EDEM3: variants seen among roughly 807,000 people sequenced by gnomAD.
The protein encoded by EDEM3 is ER degradation-enhancing alpha-mannosidase-like protein 3.
EDEM3 carries 60 observed loss-of-function variants against 110.2 expected under a neutral mutation model. The ratio of observed to expected loss-of-function variants is 0.54; its 90% CI spans 0.44 to 0.67. EDEM3 has a LOEUF of 0.67. EDEM3 is among the 30% of genes least tolerant of loss of function. The pLI is 0.00. For missense variants in EDEM3, 996 were observed against 1,121.0 expected (o/e 0.89, Z 1.59); for synonymous variants, 352 against 382.9 (o/e 0.92, Z 0.94).
chr1:184,702,828 T>G lies in EDEM3; in HGVS notation c.2372A>C (p.Asp791Ala). 3 of 1,601,420 alleles carry G rather than the reference T, an allele frequency of 1.9e-6. No homozygotes were observed. The highest frequency in any genetic ancestry group is 2.6e-6 in the Non-Finnish European group (3 of 1,175,180). ...ACTCTTACCTCGATCTTTTGCTTTA[T>G]CAGAGAGGAGCACTTCTACCTCCTC... ...EYEEVEVLLSDKAKDRDPEME... is the reference protein window; with the variant it reads ...EYEEVEVLLSAKAKDRDPEME... The change falls in exon 19 of 20, where the codon GAT becomes GCT. Residue 791 changes from aspartate (D) to alanine (A), a missense_variant. Transcript: ENST00000318130.
intron 2 of EDEM3, among the ~76,000 whole-genome samples, chr1:184,741,912 G>A (rs1165397222): frequency 2.6e-5 from 4 of 152,126 alleles, no homozygotes; most frequent in African/African-American, 9.7e-5. Context: ...TTTGCTGGGT[G>A]TTGCTATGGC....
At chr1:184,717,083 A>G (rs1650594028) in intron 12 of EDEM3, 71 bp from the exon 13 acceptor site, 1 of 1,295,056 alleles carries the variant, frequency 7.7e-7, no homozygotes, top group East Asian at 2.6e-5. Context: ...CATTTACCAA[A>G]TATTTATTGA....
chr1:184,692,452 A>G lies in EDEM3; in HGVS notation c.*1611T>C, dbSNP rs897674876. 2.6e-5 allele frequency: 4 copies of G among 152,136 alleles called. No homozygotes were observed. In the East Asian group the frequency reaches 7.7e-4, roughly 29 times the overall value. 9.4% of individuals were successfully genotyped at this position (152,136 alleles called of 1,614,324 possible). On this transcript the variant is annotated 3_prime_UTR_variant, in exon 20 of 20. Transcript: ENST00000318130. ...TCTGAATGCAGGTATTTATCCTCTC[A>G]GAAAAGAATATGTTTACCTGGGATC...
At chr1:184,699,243 G>C (rs1571344498) in intron 19 of EDEM3, among the ~76,000 whole-genome samples, 1 of 151,816 alleles carries the variant, frequency 6.6e-6, no homozygotes, top group Non-Finnish European at 1.5e-5. Context: ...AAGGAATATA[G>C]AGATGAGAAG....
At chr1:184,730,901 T>C (rs547141294) in intron 6 of EDEM3, among the ~76,000 whole-genome samples, 2 of 149,312 alleles carry the variant, frequency 1.3e-5, no homozygotes, top group African/African-American at 4.9e-5. Context: ...GGGGACACTA[T>C]AGATTGTTCT....
At position 184,754,686 on chromosome 1, in the gene EDEM3, C is replaced by A. The variant is rs887353680; in HGVS notation, c.-40G>T. On this transcript the variant is annotated 5_prime_UTR_variant, in exon 1 of 20. Coordinates refer to ENST00000318130, the MANE Select transcript of EDEM3 (RefSeq NM_025191.4). ...GCGCACGCGCAGCTGCTACGCCCGG[C>A]CGGTGAGACACATTGCTGGACGCTG... is the stretch of plus-strand genomic sequence containing the variant. 6.7e-7 allele frequency: 1 copy of A among 1,499,070 alleles called. No homozygotes were observed. Among genetic ancestry groups the A allele is most frequent in the African/African-American group, 1.4e-5 (1 of 70,862 alleles). 92.9% of individuals were successfully genotyped at this position (1,499,070 alleles called of 1,614,324 possible).
At chr1:184,715,838 C>T (rs922001249) in intron 13 of EDEM3, among the ~76,000 whole-genome samples, 8 of 152,176 alleles carry the variant, frequency 5.3e-5, no homozygotes, top group African/African-American at 1.7e-4. Context: ...ATGCCTGCTT[C>T]CAGAACCTAA....
At chr1:184,709,046 G>A (rs1425478056) in intron 16 of EDEM3, among the ~76,000 whole-genome samples, 1 of 152,148 alleles carries the variant, frequency 6.6e-6, no homozygotes, top group Non-Finnish European at 1.5e-5. Flanking sequence ...CATGATAGAA[G>A]TTAGAGGATG....
intron 18 of EDEM3, among the ~76,000 whole-genome samples, chr1:184,703,249 A>G (rs569050990): frequency 3.9e-5 from 6 of 152,354 alleles, no homozygotes; most frequent in Admixed American, 3.3e-4. Context: ...GTACACCATT[A>G]TAAGTAAATT....
chr1:184,696,031 G>A (rs914901125), intron 19 of EDEM3, among the ~76,000 whole-genome samples: 1 of 151,916 alleles, frequency 6.6e-6, no homozygotes, highest in Admixed American at 6.6e-5. Context: ...GCAACTGGGG[G>A]GATTCTCTCT....
At chr1:184,719,688 C>A in intron 9 of EDEM3, 120 bp from the exon 10 acceptor site, 1 of 943,074 alleles carries the variant, frequency 1.1e-6, no homozygotes, top group Non-Finnish European at 1.5e-6. Context: ...CACTAAATAA[C>A]TACCAATTTA....
At position 184,716,984 on chromosome 1, in the gene EDEM3, A is replaced by C; in HGVS notation, c.1274T>G (p.Val425Gly). 1 of 1,612,430 alleles carries C rather than the reference A, an allele frequency of 6.2e-7. No individual in the cohort carries two copies. The highest frequency in any genetic ancestry group is 8.5e-7 in the Non-Finnish European group (1 of 1,178,636). The change falls in exon 13 of 20, where the codon GTA (valine) becomes GGA (glycine). Residue 425 changes from valine (V) to glycine (G), a missense_variant. This residue lies in a region of EDEM3 where 310 missense variants were observed against 394.6 expected (regional missense o/e 0.79). Coordinates refer to ENST00000318130, the MANE Select transcript of EDEM3 (RefSeq NM_025191.4). The part of the protein sequence containing the change: ...KATGDPYYLE[V>G]GKTLIENLNK... The stretch of plus-strand genomic sequence containing the variant: ...TAAATTTTCAATAAGTGTCTTCCCT[A>C]CTTCAAGGTAGTAAGGATCTCCTGT...
chr1:184,706,727 C>T lies in EDEM3; in HGVS notation c.2119G>A (p.Ala707Thr), dbSNP rs139559842. 55 of 1,613,818 alleles carry T rather than the reference C, an allele frequency of 3.4e-5. No homozygotes were observed. Among genetic ancestry groups the T allele is most frequent in the African/African-American group, 8.0e-5 (6 of 74,900 alleles). ...ATGCACTGTCCTCTTTGTATCAGTGCGATTTTTCCCATCACTGCCTCTGGG... is the reference window on the plus strand; with the variant it reads ...ATGCACTGTCCTCTTTGTATCAGTGTGATTTTTCCCATCACTGCCTCTGGG... ...TNPEAVMGKIALIQRGQCMFA... is the reference protein window; with the variant it reads ...TNPEAVMGKITLIQRGQCMFA... The change falls in exon 18 of 20, where the codon GCA (alanine) becomes ACA (threonine). Residue 707 changes from alanine to threonine, a missense_variant. Coordinates refer to ENST00000318130, the MANE Select transcript of EDEM3 (RefSeq NM_025191.4).
At chr1:184,731,896 C>T (rs1479506995) in intron 6 of EDEM3, among the ~76,000 whole-genome samples, 1 of 151,804 alleles carries the variant, frequency 6.6e-6, no homozygotes, top group Non-Finnish European at 1.5e-5. Flanking sequence ...AAGCCAGGCA[C>T]CTGGGTGTGG....
rs199969455 is a variant in EDEM3 at position 184,748,141 on chromosome 1, C to CA, written c.204+1405dup. Among the ~76,000 whole-genome samples the CA allele has an allele frequency of 3.6e-3, 541 of 150,594 alleles. 5 individuals carry two copies. The highest frequency in any genetic ancestry group is 2.5e-3 in the Non-Finnish European group (170 of 67,548). ...GAAATAAGGGTTGACATGTGGGTGA[C>CA]AAAAAAAAATTAATTAAAAAACAGA... On this transcript the variant is annotated intron_variant, in intron 2 of 19. Coordinates refer to ENST00000318130, the MANE Select transcript of EDEM3 (RefSeq NM_025191.4).
At chr1:184,749,750 A>C (rs531507516) in intron 1 of EDEM3, among the ~76,000 whole-genome samples, 158 bp from the exon 2 acceptor site, 3 of 152,314 alleles carry the variant, frequency 2.0e-5, no homozygotes. Flanking sequence ...ATCAGAAACT[A>C]CAACAGCTAG....
intron 2 of EDEM3, among the ~76,000 whole-genome samples, chr1:184,746,541 C>T (rs1439960509): frequency 6.6e-6 from 1 of 152,150 alleles, no homozygotes; most frequent in Non-Finnish European, 1.5e-5. Context: ...TATTAACTTG[C>T]TTAATCCTTC....
At chr1:184,748,012 A>C (rs1478916132) in intron 2 of EDEM3, among the ~76,000 whole-genome samples, 1 of 152,186 alleles carries the variant, frequency 6.6e-6, no homozygotes, top group Non-Finnish European at 1.5e-5. Context: ...CTAAGGTCTG[A>C]GGGTATAGGA....
At chr1:184,746,449 T>C (rs57802192) in intron 2 of EDEM3, among the ~76,000 whole-genome samples, 4,552 of 152,314 alleles carry the variant, frequency 0.03, 105 homozygotes, top group African/African-American at 0.069. Flanking sequence ...ATAATGATAG[T>C]AGTAGTCGTT....
Sources: allele counts gnomAD v4.1 joint callset (sites outside exome capture counted in the v4.1 genomes callset), GRCh38; gene constraint gnomAD v4.1.1; regional missense constraint gnomAD v4.1.1; transcripts MANE v1.5; gene names NCBI Gene and HGNC (gene_info 2026-07-23, HGNC 2026-07-21).